Variants in ERFE observed in about 807,000 individuals in gnomAD.
ERFE encodes the protein erythroferrone, also known as complement C1q tumor necrosis factor-related protein 15.
Under a neutral mutation model 26.6 loss-of-function variants are expected in ERFE, and 25 were observed. The observed-to-expected ratio is 0.94, with a 90% CI of 0.69 to 1.31. The LOEUF is 1.31. Ranked by LOEUF, ERFE falls within the 40% of genes most tolerant of loss-of-function variation. The pLI is 0.00. For synonymous variants in ERFE, 206 were observed against 204.5 expected (o/e 1.01, Z -0.06); for missense variants, 447 against 440.2 (o/e 1.02, Z -0.14).
chr2:238,159,217 G>A lies in ERFE; in HGVS notation c.198+12G>A. The A allele has an allele frequency of 4.8e-6, 1 of 207,910 alleles. No individual in the cohort carries two copies. The highest frequency in any genetic ancestry group is 9.5e-6 in the Non-Finnish European group (1 of 105,760). 12.9% of individuals were successfully genotyped at this position (207,910 alleles called of 1,614,324 possible). Reference sequence around the variant, plus strand: ...CCGCTCGTCCGCCGGTAAGACGCCCGGGCCCGCTCCAGACCCAGCCCGCGC... The same window carrying A: ...CCGCTCGTCCGCCGGTAAGACGCCCAGGCCCGCTCCAGACCCAGCCCGCGC... On this transcript the variant is annotated intron_variant, in intron 1 of 7. Transcript: ENST00000546354.
intron 1 of ERFE, among the ~76,000 whole-genome samples, chr2:238,160,132 G>A (rs1692915933): frequency 6.6e-6 from 1 of 152,248 alleles, no homozygotes; most frequent in South Asian, 2.1e-4. Context: ...GGCAGACGGG[G>A]CTCAGGGGCT....
Position 238,159,071 on chromosome 2 carries a change from G to A in ERFE, c.64G>A (p.Ala22Thr), listed in dbSNP as rs1399167031. ...LLLVYAGLLAAAAAGLGSPEP... is the reference protein window; with the variant it reads ...LLLVYAGLLATAAAGLGSPEP... The stretch of plus-strand genomic sequence containing the variant: ...GCTCGTCTACGCGGGCCTGCTGGCC[G>A]CCGCCGCCGCGGGCCTGGGGTCCCC... The change falls in exon 1 of 8, where the codon GCC (alanine) becomes ACC (threonine). Residue 22 changes from alanine to threonine, a missense_variant. Coordinates refer to ENST00000546354, the MANE Select transcript of ERFE (RefSeq NM_001291832.2). 1.7e-5 allele frequency: 4 copies of A among 230,368 alleles called. No individual in the cohort carries two copies. Among genetic ancestry groups the A allele is most frequent in the Non-Finnish European group, 3.3e-5 (4 of 121,408 alleles). 14.3% of individuals were successfully genotyped at this position (230,368 alleles called of 1,614,324 possible).
At chr2:238,162,862 C>T (rs754209002) in intron 3 of ERFE, 24 bp downstream of exon 3, 24 of 1,517,072 alleles carry the variant, frequency 1.6e-5, no homozygotes, top group Non-Finnish European at 2.1e-5. Context: ...CCGGCTGGGA[C>T]ACACACACCC....
At position 238,167,567 on chromosome 2, in the gene ERFE, C is replaced by G; in HGVS notation, c.*513C>G. 1 of 393,180 alleles carries G rather than the reference C, an allele frequency of 2.5e-6. No individual in the cohort carries two copies. Among genetic ancestry groups the G allele is most frequent in the South Asian group, 1.9e-5 (1 of 53,714 alleles). 24.4% of individuals were successfully genotyped at this position (393,180 alleles called of 1,614,324 possible). On this transcript the variant is annotated 3_prime_UTR_variant, in exon 8 of 8. Transcript: ENST00000546354. Reference sequence around the variant, plus strand: ...TTAGAAGGGACGGGGTCACTCACCACTCCCCTGGTCTCCATCTGGGCTCCT... The same window carrying G: ...TTAGAAGGGACGGGGTCACTCACCAGTCCCCTGGTCTCCATCTGGGCTCCT...
intron 6 of ERFE, among the ~76,000 whole-genome samples, chr2:238,165,237 T>A (rs1693015945): frequency 6.6e-6 from 1 of 152,222 alleles, no homozygotes; most frequent in Admixed American, 6.5e-5. Context: ...AATGAATGGA[T>A]CAAGTCCAAA....
Position 238,164,092 on chromosome 2 carries a change from C to T in ERFE, c.705C>T (p.Ala235=), listed in dbSNP as rs932107672. The change falls in exon 5 of 8, where the codon GCC becomes GCT. Residue 235 remains alanine (A), a synonymous_variant. Transcript: ENST00000546354. The stretch of plus-strand genomic sequence containing the variant: ...CCTCGCAGCCCGACGCCGAGGGTGC[C>T]TTCCGCCGCGGCCCGGGCCTGAACT... ...GVYYLPDAEG[A]FRRGPGLNLT... 31 of 1,431,026 alleles carry T rather than the reference C, an allele frequency of 2.2e-5. No individual in the cohort carries two copies. The highest frequency in any genetic ancestry group is 2.8e-5 in the Non-Finnish European group (31 of 1,095,414). The allele number at this position is 1,431,026 out of a possible 1,614,324, so 88.6% of individuals were successfully genotyped here. A position where few individuals can be genotyped will look rare whatever the true frequency, so the allele number is the denominator to read the frequency against.
rs1023190729 is a variant in ERFE, at chr2:238,167,809, C to T, written c.*755C>T. The T allele has an allele frequency of 2.7e-5, 7 of 261,986 alleles. No individual in the cohort carries two copies. The highest frequency in any genetic ancestry group is 9.7e-5 in the East Asian group (1 of 10,322). The allele number at this position is 261,986 out of a possible 1,614,324, so 16.2% of individuals were successfully genotyped here. On this transcript the variant is annotated 3_prime_UTR_variant, in exon 8 of 8. Coordinates refer to ENST00000546354, the MANE Select transcript of ERFE (RefSeq NM_001291832.2). ...TCTTCCCCTCCTCTGCAAATCTTCA[C>T]AGCCAAGGCCCCTTCCACCCTCTCC...
chr2:238,162,627 C>A (rs1692955512), intron 2 of ERFE, 109 bp from the exon 3 acceptor site: 3 of 740,138 alleles, frequency 4.1e-6, no homozygotes. Context: ...AGGTTGGAGC[C>A]CACTGGGGAG....
chr2:238,161,188 C>T (rs576143553), intron 1 of ERFE, among the ~76,000 whole-genome samples: 3 of 152,312 alleles, frequency 2.0e-5, no homozygotes, highest in East Asian at 1.9e-4. Flanking sequence ...TTGCTTCTTC[C>T]TGAGCACCTA....
In ERFE at chr2:238,159,011, G is replaced by GCCCCGGCC. The variant is rs1186013908; in HGVS notation, c.6_13dup (p.Arg5ProfsTer105). ...CCGCGAGGGAACCGCCGCCCGCATG[G>GCCCCGGCC]CCCCGGCCCGCCGCCCCGCCGGAGC... On this transcript the variant is annotated frameshift_variant, in exon 1 of 8. Transcript: ENST00000546354. LOFTEE classifies it high-confidence loss of function. 2.3e-5 allele frequency: 6 copies of GCCCCGGCC among 255,864 alleles called. No homozygotes were observed. In the East Asian group the frequency reaches 3.8e-4, roughly 16 times the overall value. 15.8% of individuals were successfully genotyped at this position (255,864 alleles called of 1,614,324 possible). A position where few individuals can be genotyped will look rare whatever the true frequency, so the allele number is the denominator to read the frequency against.
intron 7 of ERFE, among the ~76,000 whole-genome samples, chr2:238,166,511 A>G (rs979753471): frequency 2.0e-5 from 3 of 152,188 alleles, no homozygotes; most frequent in African/African-American, 4.8e-5. Flanking sequence ...GGAATGTGAC[A>G]CTGCTGGTGC....
chr2:238,167,118 A>G lies in ERFE; in HGVS notation c.*64A>G, dbSNP rs1214600406. ...GCACAGATCTAGACAATGTGTGGAC[A>G]GTGTCAGAGTAGCAGTGGCCACATG... On this transcript the variant is annotated 3_prime_UTR_variant, in exon 8 of 8. Transcript: ENST00000546354. 2.7e-6 allele frequency: 4 copies of G among 1,485,848 alleles called. No individual in the cohort carries two copies. The highest frequency in any genetic ancestry group is 1.4e-5 in the African/African-American group (1 of 71,910). The allele number at this position is 1,485,848 out of a possible 1,614,324, so 92.0% of individuals were successfully genotyped here.
chr2:238,163,762 G>A lies in ERFE; in HGVS notation c.450G>A (p.Ala150=). ...LKGAVRQRER[A]EPEPCTCGPA... is the part of the protein sequence containing the mutation. ...GTGCGGTGCGGCAGCGGGAGCGCGC[G>A]GAGCCCGAACCCTGTACGTGTGGCC... Residue 150 remains alanine (A), a synonymous_variant, in exon 4 of 8, where the codon GCG becomes GCA. Coordinates refer to ENST00000546354, the MANE Select transcript of ERFE (RefSeq NM_001291832.2). 2.2e-6 allele frequency: 3 copies of A among 1,354,280 alleles called. No individual in the cohort carries two copies. Among genetic ancestry groups the A allele is most frequent in the Non-Finnish European group, 2.8e-6 (3 of 1,058,026 alleles). The allele number at this position is 1,354,280 out of a possible 1,614,324, so 83.9% of individuals were successfully genotyped here. A position where few individuals can be genotyped will look rare whatever the true frequency, so the allele number is the denominator to read the frequency against.
rs1340187090 is a variant in ERFE at position 238,164,034 on chromosome 2, G to C, written c.687+35G>C. ...GGCGCGCGGGAGGGCGGGTGAGTCCGGCCGGGCGGGAGCCGGGGTGACCAT... is the reference window on the plus strand; with the variant it reads ...GGCGCGCGGGAGGGCGGGTGAGTCCCGCCGGGCGGGAGCCGGGGTGACCAT... On this transcript the variant is annotated intron_variant, in intron 4 of 7. Coordinates refer to ENST00000546354, the MANE Select transcript of ERFE (RefSeq NM_001291832.2). 2.2e-6 allele frequency: 3 copies of C among 1,377,944 alleles called. No homozygotes were observed. In the African/African-American group the frequency reaches 4.6e-5, roughly 21 times the overall value. 85.4% of individuals were successfully genotyped at this position (1,377,944 alleles called of 1,614,324 possible).
In ERFE at chr2:238,165,598, G is replaced by T; in HGVS notation, c.888-8G>T. ...GGCAGGCTGACCCTCCCTCTGTTTT[G>T]GGTACAGCTCCCTGGAGGCCATCAT... is the stretch of plus-strand genomic sequence containing the variant. On this transcript the variant is annotated splice_region_variant and splice_polypyrimidine_tract_variant and intron_variant, in intron 6 of 7. Coordinates refer to ENST00000546354, the MANE Select transcript of ERFE (RefSeq NM_001291832.2). 1 of 1,544,556 alleles carries T rather than the reference G, an allele frequency of 6.5e-7. No individual in the cohort carries two copies. Among genetic ancestry groups the T allele is most frequent in the South Asian group, 1.2e-5 (1 of 83,902 alleles).
In ERFE at chr2:238,164,298, G is replaced by A. The variant is rs986232118; in HGVS notation, c.825G>A (p.Pro275=). 68 of 1,516,160 alleles carry A rather than the reference G, an allele frequency of 4.5e-5. No homozygotes were observed. Among genetic ancestry groups the A allele is most frequent in the Non-Finnish European group, 5.5e-5 (62 of 1,137,172 alleles). 93.9% of individuals were successfully genotyped at this position (1,516,160 alleles called of 1,614,324 possible). The change falls in exon 6 of 8, where the codon CCG becomes CCA. Residue 275 remains proline, a synonymous_variant. Coordinates refer to ENST00000546354, the MANE Select transcript of ERFE (RefSeq NM_001291832.2). ...TCGGGGAGCCGCCGAGGAGGGGGCC[G>A]CCGCGCCCCCGGGACCACCTGCGCC... The part of the protein sequence containing the change: ...VALGEPPRRG[P]PRPRDHLRLL...
At position 238,168,622 on chromosome 2, in the gene ERFE, G is replaced by T. The variant is rs1170771727; in HGVS notation, c.*1568G>T. On this transcript the variant is annotated 3_prime_UTR_variant, in exon 8 of 8. Coordinates refer to ENST00000546354, the MANE Select transcript of ERFE (RefSeq NM_001291832.2). The stretch of plus-strand genomic sequence containing the variant: ...AACCAAACACTCTGCCCTGGGAAAG[G>T]CCTGGTGCGATTCTCAGTAGGACTC... 2.7e-6 allele frequency: 1 copy of T among 374,616 alleles called. No individual in the cohort carries two copies. Among genetic ancestry groups the T allele is most frequent in the Non-Finnish European group, 5.4e-6 (1 of 184,282 alleles). The allele number at this position is 374,616 out of a possible 1,614,324, so 23.2% of individuals were successfully genotyped here.
At chr2:238,166,824 A>C in intron 7 of ERFE, 132 bp from the exon 8 acceptor site, 2 of 715,742 alleles carry the variant, frequency 2.8e-6, no homozygotes, top group Non-Finnish European at 4.7e-6. Flanking sequence ...TGGCGGCCAC[A>C]TTCTTCTCTG....
At chr2:238,162,870 C>T (rs973832582) in intron 3 of ERFE, 32 bp downstream of exon 3, 15 of 1,506,092 alleles carry the variant, frequency 1.0e-5, no homozygotes, top group African/African-American at 1.4e-5. Context: ...GACACACACA[C>T]CCCGCTGTGA....
Sources: allele counts gnomAD v4.1 joint callset (sites outside exome capture counted in the v4.1 genomes callset), GRCh38; gene constraint gnomAD v4.1.1; transcripts MANE v1.5; gene names NCBI Gene and HGNC (gene_info 2026-07-23, HGNC 2026-07-21).